The following TFEC variants were observed in gnomAD, a reference collection of about 807,000 sequenced individuals.
The protein encoded by TFEC is class E basic helix-loop-helix protein 34.
TFEC carries 31 observed loss-of-function variants against 41.6 expected under a neutral mutation model. That is an observed-to-expected ratio of 0.74 (90% CI 0.56 to 1.01). The LOEUF is 1.01. Ranked by LOEUF, TFEC falls within the 50% of genes least tolerant of loss-of-function variation. The pLI is 0.00. For synonymous variants in TFEC, 143 were observed against 140.6 expected (o/e 1.02, Z -0.12); for missense variants, 402 against 404.1 (o/e 0.99, Z 0.04).
intron 3 of TFEC, among the ~76,000 whole-genome samples, chr7:116,084,386 CAAAT>C (rs1797156784): frequency 6.6e-6 from 1 of 151,844 alleles, no homozygotes. Flanking sequence ...AACTTTATAA[CAAAT>C]AAAAATATTT....
chr7:115,949,632 A>G (rs1305491104), intron 6 of TFEC, among the ~76,000 whole-genome samples: 1 of 152,022 alleles, frequency 6.6e-6, no homozygotes, highest in African/African-American at 2.4e-5. Flanking sequence ...GGTGCTGGGA[A>G]AACTGGCTAG....
At chr7:116,129,001 G>A (rs1798273103) in intron 1 of TFEC, among the ~76,000 whole-genome samples, 2 of 151,214 alleles carry the variant, frequency 1.3e-5, no homozygotes, top group Admixed American at 6.6e-5. Context: ...TAAACGACAC[G>A]AATTATTACA....
chr7:116,128,538 TA>T (rs1485340042), intron 1 of TFEC, among the ~76,000 whole-genome samples: 1 of 152,152 alleles, frequency 6.6e-6, no homozygotes, highest in Admixed American at 6.5e-5. Context: ...TATTTTTATA[TA>T]AAAATAACTA....
chr7:115,949,728 A>T (rs1307793465), intron 6 of TFEC, among the ~76,000 whole-genome samples: 1 of 152,014 alleles, frequency 6.6e-6, no homozygotes, highest in Non-Finnish European at 1.5e-5. Flanking sequence ...TAAACGTTAG[A>T]CCTAAAACCA....
At chr7:115,977,508 T>C (rs1793437254) in intron 2 of TFEC, among the ~76,000 whole-genome samples, 1 of 152,020 alleles carries the variant, frequency 6.6e-6, no homozygotes, top group South Asian at 2.1e-4. Context: ...CAACAAAGTA[T>C]CTTTTAAGTA....
intron 2 of TFEC, among the ~76,000 whole-genome samples, chr7:115,975,230 CTCTT>C (rs916063332): frequency 6.6e-6 from 1 of 152,052 alleles, no homozygotes; most frequent in South Asian, 2.1e-4. Context: ...CTCTCTCTCT[CTCTT>C]TCTCTCTCTC....
chr7:116,150,871 C>T (rs1798747029), intron 1 of TFEC, among the ~76,000 whole-genome samples: 1 of 152,048 alleles, frequency 6.6e-6, no homozygotes, highest in African/African-American at 2.4e-5. Context: ...TAAAATAATG[C>T]CTTCCTGATA....
intron 1 of TFEC, among the ~76,000 whole-genome samples, chr7:115,985,566 A>G (rs1335113466): frequency 6.6e-6 from 1 of 152,138 alleles, no homozygotes; most frequent in Non-Finnish European, 1.5e-5. Context: ...AACATGCATT[A>G]GCCCAGATAA....
chr7:116,047,949 C>T (rs911543768), intron 3 of TFEC, among the ~76,000 whole-genome samples: 3 of 152,186 alleles, frequency 2.0e-5, no homozygotes, highest in African/African-American at 7.2e-5. Flanking sequence ...AAATAACAAA[C>T]AGAAAGGACA....
intron 2 of TFEC, among the ~76,000 whole-genome samples, chr7:115,981,253 G>A (rs1047761417): frequency 5.9e-5 from 9 of 151,878 alleles, no homozygotes; most frequent in South Asian, 2.1e-4. Flanking sequence ...ATTATCTTCC[G>A]TCATCTTTGC....
At chr7:116,032,462 A>G (rs1436188820), upstream of TFEC, among the ~76,000 whole-genome samples, 4 of 152,222 alleles carry the variant, frequency 2.6e-5, no homozygotes, top group Admixed American at 2.6e-4. Context: ...CTGGATAAAG[A>G]AAATGTGGTA....
At chr7:116,145,064 C>T (rs903584210) in intron 1 of TFEC, among the ~76,000 whole-genome samples, 13 of 152,114 alleles carry the variant, frequency 8.5e-5, no homozygotes, top group Admixed American at 7.9e-4. Flanking sequence ...AAAGTAAATA[C>T]AAATAAAACT....
intron 3 of TFEC, among the ~76,000 whole-genome samples, chr7:116,101,212 G>C (rs1484502375): frequency 5.8e-5 from 7 of 121,360 alleles, no homozygotes. Flanking sequence ...AAAAGAAAAA[G>C]GAAAAAACTA....
chr7:115,936,902 TATAAAG>T lies in TFEC; in HGVS notation c.*3643_*3648del, dbSNP rs1793254223. The T allele has an allele frequency of 6.6e-6, 1 of 151,558 alleles. No individual in the cohort carries two copies. The highest frequency in any genetic ancestry group is 2.1e-4 in the South Asian group (1 of 4,826). 9.4% of individuals were successfully genotyped at this position (151,558 alleles called of 1,614,324 possible). ...TATTTAGGGCTTTTTTAAAAACCTA[TATAAAG>T]AAAGCCATGGTCACTGATATGCCTA... is the stretch of plus-strand genomic sequence containing the variant. On this transcript the variant is annotated 3_prime_UTR_variant, in exon 8 of 8. Transcript: ENST00000265440.
At position 115,984,245 on chromosome 7, in the gene TFEC, C is replaced by G. The variant is rs1237112852; in HGVS notation, c.180+17G>C. 2 of 1,601,022 alleles carry G rather than the reference C, an allele frequency of 1.2e-6. No individual in the cohort carries two copies. The highest frequency in any genetic ancestry group is 1.7e-6 in the Non-Finnish European group (2 of 1,170,078). ...AAAAACTGATGATATATTTTTATAA[C>G]CAGCCATTAGACATACATGCCATTG... On this transcript the variant is annotated intron_variant, in intron 2 of 7. Coordinates refer to ENST00000265440, the MANE Select transcript of TFEC (RefSeq NM_012252.4).
Position 115,936,749 on chromosome 7 carries a change from T to C in TFEC, c.*3802A>G, listed in dbSNP as rs1793244754. 1 of 151,582 alleles carries C rather than the reference T, an allele frequency of 6.6e-6. No individual in the cohort carries two copies. The highest frequency in any genetic ancestry group is 1.5e-5 in the Non-Finnish European group (1 of 67,626). 9.4% of individuals were successfully genotyped at this position (151,582 alleles called of 1,614,324 possible). On this transcript the variant is annotated 3_prime_UTR_variant, in exon 8 of 8. Coordinates refer to ENST00000265440, the MANE Select transcript of TFEC (RefSeq NM_012252.4). Reference sequence around the variant, plus strand: ...TGAGCACACCAAATCAAGACATTCTTTGTATCTGTTTTTTTAAGTAAGAGC... The same window carrying C: ...TGAGCACACCAAATCAAGACATTCTCTGTATCTGTTTTTTTAAGTAAGAGC...
At chr7:116,110,697 C>G in intron 3 of TFEC, 1 of 1,432,966 alleles carries the variant, frequency 7.0e-7, no homozygotes, top group Non-Finnish European at 9.2e-7. Flanking sequence ...TATATGTATA[C>G]AGATACATAC....
intron 3 of TFEC, among the ~76,000 whole-genome samples, chr7:116,091,562 G>A (rs996689313): frequency 6.6e-6 from 1 of 152,020 alleles, no homozygotes; most frequent in Admixed American, 6.6e-5. Context: ...TTTACAAGAT[G>A]TTTCCGTAAG....
intron 3 of TFEC, among the ~76,000 whole-genome samples, chr7:116,071,272 C>T (rs968038041): frequency 6.0e-5 from 9 of 150,264 alleles, no homozygotes; most frequent in Admixed American, 5.3e-4. Flanking sequence ...ACAGCTATGA[C>T]ATAATGATAT....
Sources: allele counts gnomAD v4.1 joint callset (sites outside exome capture counted in the v4.1 genomes callset), GRCh38; gene constraint gnomAD v4.1.1; transcripts MANE v1.5; gene names NCBI Gene and HGNC (gene_info 2026-07-23, HGNC 2026-07-21).